The following KAT6B variants were observed in gnomAD, a reference collection of about 807,000 sequenced individuals.
KAT6B encodes histone acetyltransferase KAT6B.
Under a neutral mutation model 187.5 loss-of-function variants are expected in KAT6B, and 10 were observed. The ratio of observed to expected loss-of-function variants is 0.05; its 90% CI spans 0.03 to 0.09. The LOEUF (loss-of-function observed/expected upper bound fraction) is 0.09, where lower values mean the gene tolerates loss of function less well. KAT6B is among the 10% of genes least tolerant of loss of function. The pLI is 1.00. For synonymous variants in KAT6B, 861 were observed against 926.8 expected (o/e 0.93, Z 1.29); for missense variants, 1,952 against 2,558.9 (o/e 0.76, Z 5.12).
intron 3 of KAT6B, among the ~76,000 whole-genome samples, chr10:74,863,098 G>A (rs1267128422): frequency 6.6e-6 from 1 of 152,088 alleles, no homozygotes; most frequent in East Asian, 1.9e-4. Flanking sequence ...TACAGACTTT[G>A]AAAAACAGAA....
chr10:74,836,700 T>C (rs1472711030), intron 1 of KAT6B, among the ~76,000 whole-genome samples: 1 of 152,186 alleles, frequency 6.6e-6, no homozygotes, highest in Non-Finnish European at 1.5e-5. Context: ...TGAGCAACTC[T>C]GCCAATAACC....
rs1846308113 is a variant in KAT6B at position 75,031,337 on chromosome 10, T to C, written c.*291T>C. The C allele has an allele frequency of 2.2e-6, 1 of 456,696 alleles. No homozygotes were observed. Among genetic ancestry groups the C allele is most frequent in the South Asian group, 2.4e-5 (1 of 41,564 alleles). 28.3% of individuals were successfully genotyped at this position (456,696 alleles called of 1,614,324 possible). A position where few individuals can be genotyped will look rare whatever the true frequency, so the allele number is the denominator to read the frequency against. On this transcript the variant is annotated 3_prime_UTR_variant, in exon 18 of 18. Coordinates refer to ENST00000287239, the MANE Select transcript of KAT6B (RefSeq NM_012330.4). ...ACTACAATTTGGAGGCAGCCACTTG[T>C]TGTGCCTGCTTCTGTTAAACAATGT...
intron 4 of KAT6B, among the ~76,000 whole-genome samples, chr10:74,966,114 C>T (rs1004899504): frequency 1.7e-4 from 26 of 152,148 alleles, no homozygotes; most frequent in Non-Finnish European, 2.9e-5. Context: ...AGGTCATGGC[C>T]AGGTTCTACA....
At chr10:74,986,075 A>T (rs1842788425) in intron 12 of KAT6B, among the ~76,000 whole-genome samples, 1 of 152,054 alleles carries the variant, frequency 6.6e-6, no homozygotes, top group South Asian at 2.1e-4. Flanking sequence ...CAAAACAAGA[A>T]CAAAGAAAGC....
intron 3 of KAT6B, among the ~76,000 whole-genome samples, chr10:74,887,472 A>G (rs1299940849): frequency 6.6e-6 from 1 of 152,078 alleles, no homozygotes; most frequent in Non-Finnish European, 1.5e-5. Context: ...TTACAGGCAC[A>G]TGCCACCATG....
In KAT6B at chr10:74,960,047, A is replaced by G. The variant is rs188787788; in HGVS notation, c.699A>G (p.Glu233=). 202 of 1,611,996 alleles carry G rather than the reference A, an allele frequency of 1.3e-4. 1 individual carries two copies. In the East Asian group the frequency reaches 4.4e-3, roughly 35 times the overall value. Reference sequence around the variant, plus strand: ...CAAATCGTGAAAAGAAACCAGAAGAACTCCTCTCTTGTGCAGATTGTGGCA... The same window carrying G: ...CAAATCGTGAAAAGAAACCAGAAGAGCTCCTCTCTTGTGCAGATTGTGGCA... The part of the protein sequence containing the change: ...KESNREKKPE[E]LLSCADCGSS... Residue 233 remains glutamate (E), a synonymous_variant, in exon 4 of 18, where the codon GAA becomes GAG. Transcript: ENST00000287239.
rs553290628 is a variant in KAT6B at position 74,902,136 on chromosome 10, T to A, written c.622-57834T>A. Among the ~76,000 whole-genome samples, 5 of 152,318 alleles carry A rather than the reference T, an allele frequency of 3.3e-5. 2 individuals carry two copies. The highest frequency in any genetic ancestry group is 1.2e-4 in the African/African-American group (5 of 41,588). ...TCCCTCAATCTCTGTTTCGTGTACT[T>A]CTCTCTAGCCCATAGCTCCTCTTTA... On this transcript the variant is annotated intron_variant, in intron 3 of 17. Transcript: ENST00000287239.
chr10:74,907,202 A>G (rs1311383797), intron 3 of KAT6B, among the ~76,000 whole-genome samples: 1 of 152,222 alleles, frequency 6.6e-6, no homozygotes, highest in Non-Finnish European at 1.5e-5. Flanking sequence ...GTCTGCTCTC[A>G]CTACAAACAG....
intron 3 of KAT6B, among the ~76,000 whole-genome samples, chr10:74,910,866 C>T (rs775740430): frequency 2.6e-5 from 4 of 152,142 alleles, no homozygotes; most frequent in Non-Finnish European, 4.4e-5. Context: ...AATTTCTTTC[C>T]CGATCTTGGG....
intron 3 of KAT6B, among the ~76,000 whole-genome samples, chr10:74,921,748 C>T (rs1848152029): frequency 6.6e-6 from 1 of 152,194 alleles, no homozygotes; most frequent in African/African-American, 2.4e-5. Flanking sequence ...TTTCTAGTGG[C>T]TGCTTGAACT....
At chr10:74,886,099 A>G (rs764911264) in intron 3 of KAT6B, among the ~76,000 whole-genome samples, 2 of 152,150 alleles carry the variant, frequency 1.3e-5, no homozygotes, top group Non-Finnish European at 2.9e-5. Flanking sequence ...CAGGCTGTAA[A>G]CAGTAGGATT....
At chr10:74,854,099 A>G (rs1459289051) in intron 3 of KAT6B, among the ~76,000 whole-genome samples, 2 of 152,270 alleles carry the variant, frequency 1.3e-5, no homozygotes, top group Non-Finnish European at 2.9e-5. Context: ...CTTCTCAGGT[A>G]CTTTGATCTC....
intron 13 of KAT6B, among the ~76,000 whole-genome samples, chr10:74,997,351 T>C (rs1843509595): frequency 6.6e-6 from 1 of 151,850 alleles, no homozygotes; most frequent in Non-Finnish European, 1.5e-5. Flanking sequence ...TTGCTGACAT[T>C]TACTGAGTGA....
intron 13 of KAT6B, among the ~76,000 whole-genome samples, chr10:75,009,441 C>G (rs933797685): frequency 6.6e-6 from 1 of 152,150 alleles, no homozygotes; most frequent in African/African-American, 2.4e-5. Flanking sequence ...CTTTGATTAA[C>G]ATAATATAAA....
intron 5 of KAT6B, 85 bp downstream of exon 5, chr10:74,969,860 C>CT: frequency 9.1e-7 from 1 of 1,099,590 alleles, no homozygotes; most frequent in Non-Finnish European, 1.4e-6. Flanking sequence ...AGTATGGCTA[C>CT]TTTCTTTCTA....
At chr10:74,923,601 T>C (rs1487167923) in intron 3 of KAT6B, among the ~76,000 whole-genome samples, 2 of 152,072 alleles carry the variant, frequency 1.3e-5, no homozygotes, top group Non-Finnish European at 2.9e-5. Context: ...ATTCCAGGCA[T>C]GGAGAAGGAG....
chr10:74,965,872 C>T (rs1219582408), intron 4 of KAT6B, among the ~76,000 whole-genome samples: 1 of 151,506 alleles, frequency 6.6e-6, no homozygotes, highest in East Asian at 1.9e-4. Flanking sequence ...ACTACAGGCG[C>T]CCGCCACCAC....
At chr10:74,942,765 C>CAAAAAAAAAAA (rs56276008) in intron 3 of KAT6B, among the ~76,000 whole-genome samples, 3 of 9,364 alleles carry the variant, frequency 3.2e-4, no homozygotes, top group Non-Finnish European at 5.5e-4. Context: ...AACTCCATCG[C>CAAAAAAAAAAA]AAAAAAAAAA....
chr10:74,902,448 AT>A (rs1164637626), intron 3 of KAT6B, among the ~76,000 whole-genome samples: 1 of 151,992 alleles, frequency 6.6e-6, no homozygotes, highest in Non-Finnish European at 1.5e-5. Context: ...GTAGATATAT[AT>A]TTTCTGGTTC....
Sources: gnomAD v4.1 joint callset for allele counts (sites outside exome capture counted in the v4.1 genomes callset) on GRCh38, gnomAD v4.1.1 for gene constraint, MANE v1.5 for transcripts, NCBI Gene and HGNC (gene_info 2026-07-23, HGNC 2026-07-21) for gene names.